Variants in KIF26A observed in about 807,000 individuals in gnomAD.
KIF26A encodes the protein kinesin-like protein KIF26A.
In KIF26A, 74 loss-of-function variants were observed where a neutral mutation model predicts 126.0. The observed-to-expected ratio is 0.59, with a 90% confidence interval of 0.49 to 0.71. The LOEUF is 0.71. KIF26A is among the 30% of genes least tolerant of loss of function. The pLI is 0.00. For missense variants in KIF26A, 2,984 were observed against 2,763.3 expected (o/e 1.08, Z -1.79); for synonymous variants, 1,445 against 1,232.7 (o/e 1.17, Z -3.61).
At chr14:104,172,262 C>T (rs374734257) in intron 6 of KIF26A, among the ~76,000 whole-genome samples, 1 of 152,236 alleles carries the variant, frequency 6.6e-6, no homozygotes, top group African/African-American at 2.4e-5. Context: ...CATGCTGAGC[C>T]GTGCACCGTG....
At chr14:104,143,211 C>T (rs2037652172) in intron 2 of KIF26A, among the ~76,000 whole-genome samples, 1 of 152,236 alleles carries the variant, frequency 6.6e-6, no homozygotes, top group Non-Finnish European at 1.5e-5. Flanking sequence ...TCCAGAACCA[C>T]TGTTGGTGCC....
At position 104,152,081 on chromosome 14, in the gene KIF26A, C is replaced by T. The variant is rs1008303788; in HGVS notation, c.355C>T (p.Pro119Ser). The T allele has an allele frequency of 5.6e-6, 9 of 1,612,514 alleles. No individual in the cohort carries two copies. The African/African-American group carries it at 1.1e-4, about 19-fold the overall frequency. ...ACCTGGGGCCCTGCCAGCCTGTCGC[C>T]CAGAGGCCGAGCGCCGCTGTGACGT... ...PAPGALPACR[P>S]EAERRCDVCA... The change falls in exon 3 of 15, where the codon CCA (proline) becomes TCA (serine). Residue 119 changes from proline (P) to serine (S), a missense_variant. Coordinates refer to ENST00000423312, the MANE Select transcript of KIF26A (RefSeq NM_015656.2). This position sits in a 1 kb window ranked among gnomAD's most constrained non-coding sequence, Gnocchi z 5.9.
intron 4 of KIF26A, among the ~76,000 whole-genome samples, chr14:104,166,462 T>C (rs1193453527): frequency 6.6e-6 from 1 of 152,128 alleles, no homozygotes; most frequent in Non-Finnish European, 1.5e-5. Flanking sequence ...CAGCTGTGCA[T>C]GGCTGCCCAC....
rs1330996978 is a variant in KIF26A at position 104,176,978 on chromosome 14, G to C, written c.4190G>C (p.Arg1397Pro). ...CGGGTCGGGGCTGCTGCTGTCCTTC[G>C]AGGGGAGGAGGAGCCCAGACCCAGC... ...PARVGAAAVL[R>P]GEEEPRPSSR... The change falls in exon 12 of 15, where the codon CGA becomes CCA. Residue 1397 changes from arginine (R) to proline (P), a missense_variant. Transcript: ENST00000423312. 3 of 1,538,020 alleles carry C rather than the reference G, an allele frequency of 2.0e-6. No individual in the cohort carries two copies. The highest frequency in any genetic ancestry group is 2.4e-5 in the East Asian group (1 of 41,102).
chr14:104,176,743 G>T lies in KIF26A; in HGVS notation c.3955G>T (p.Ala1319Ser). ...GATTLGVTTP[A>S]VSWGDAPTEV... Reference sequence around the variant, plus strand: ...CACCACGCTGGGTGTGACAACGCCAGCTGTGTCCTGGGGAGATGCTCCCAC... The same window carrying T: ...CACCACGCTGGGTGTGACAACGCCATCTGTGTCCTGGGGAGATGCTCCCAC... The change falls in exon 12 of 15, where the codon GCT becomes TCT. Residue 1319 changes from alanine to serine, a missense_variant. Ala to Ser is a moderately conservative substitution (Grantham distance 99). Transcript: ENST00000423312. The T allele has an allele frequency of 6.3e-7, 1 of 1,587,340 alleles. No homozygotes were observed. Among genetic ancestry groups the T allele is most frequent in the Non-Finnish European group, 8.6e-7 (1 of 1,168,274 alleles).
intron 2 of KIF26A, among the ~76,000 whole-genome samples, chr14:104,139,537 C>A (rs543662285): frequency 6.6e-6 from 1 of 152,218 alleles, no homozygotes; most frequent in Non-Finnish European, 1.5e-5. Context: ...GTTCCTCCCC[C>A]AGCCCAGATG....
rs369689010 is a variant in KIF26A at position 104,159,823 on chromosome 14, G to A, written c.923+1881G>A. On this transcript the variant is annotated intron_variant, in intron 4 of 14. Transcript: ENST00000423312. ...TGGATGCCTGACGTGGGCTGGGGTC[G>A]GTGGTGGGTGACCTCCTCTGTGGGG... Among the ~76,000 whole-genome samples the A allele has an allele frequency of 3.9e-5, 6 of 152,242 alleles. No individual in the cohort carries two copies. The East Asian group carries it at 7.7e-4, about 20-fold the overall frequency.
At chr14:104,149,208 A>G (rs771148821) in intron 2 of KIF26A, among the ~76,000 whole-genome samples, 4 of 152,104 alleles carry the variant, frequency 2.6e-5, no homozygotes, top group Non-Finnish European at 4.4e-5. Context: ...TGTGCCTTGA[A>G]TTCCTGGGGC....
rs1237976540 is a variant in KIF26A at position 104,172,575 on chromosome 14, G to A, written c.1327G>A (p.Ala443Thr). ...DAVFPQDSEQAEVCSGTVADV... is the reference protein window; with the variant it reads ...DAVFPQDSEQTEVCSGTVADV... ...CTGCCTGATTCTCTTGCCCCCCTAG[G>A]CCGAAGTCTGCTCGGGGACCGTGGC... is the stretch of plus-strand genomic sequence containing the variant. The change falls in exon 7 of 15, where the codon GCC (alanine) becomes ACC (threonine). Residue 443 changes from alanine (A) to threonine (T), a missense_variant and splice_region_variant. Transcript: ENST00000423312. 1 of 1,611,702 alleles carries A rather than the reference G, an allele frequency of 6.2e-7. No individual in the cohort carries two copies. The highest frequency in any genetic ancestry group is 1.3e-5 in the African/African-American group (1 of 74,914).
chr14:104,140,406 G>C (rs1023537389), intron 2 of KIF26A, among the ~76,000 whole-genome samples: 2 of 152,182 alleles, frequency 1.3e-5, no homozygotes, highest in South Asian at 4.1e-4. Flanking sequence ...AGTTTAAAAG[G>C]TAGCAGGAGA....
At chr14:104,172,169 G>A (rs2037965106) in intron 6 of KIF26A, among the ~76,000 whole-genome samples, 1 of 152,236 alleles carries the variant, frequency 6.6e-6, no homozygotes, top group South Asian at 2.1e-4. Context: ...GGAAAGGCCT[G>A]GTTTTCCGGA....
chr14:104,177,206 C>T lies in KIF26A; in HGVS notation c.4418C>T (p.Thr1473Ile). ...CTGGGTGTGCCACCCTCCAGCCCCA[C>T]ACACGGTCCAGCTCCCGCCTGTAGG... ...PKLGVPPSSP[T>I]HGPAPACRSG... The change falls in exon 12 of 15, where the codon ACA becomes ATA. Residue 1473 changes from threonine (T) to isoleucine (I), a missense_variant. Coordinates refer to ENST00000423312, the MANE Select transcript of KIF26A (RefSeq NM_015656.2). 6.3e-7 allele frequency: 1 copy of T among 1,595,208 alleles called. No homozygotes were observed. Among genetic ancestry groups the T allele is most frequent in the South Asian group, 1.1e-5 (1 of 90,320 alleles).
rs1390802218 is a variant in KIF26A at position 104,180,614 on chromosome 14, A to G, written c.*824A>G. On this transcript the variant is annotated 3_prime_UTR_variant, in exon 15 of 15. Coordinates refer to ENST00000423312, the MANE Select transcript of KIF26A (RefSeq NM_015656.2). ...TTGAAGACAAATGATCTATGTTTTT[A>G]TGGTTTTCTAGGGAAGGTGTTCTGG... The G allele has an allele frequency of 6.5e-6, 1 of 153,260 alleles. No individual in the cohort carries two copies. Among genetic ancestry groups the G allele is most frequent in the African/African-American group, 2.4e-5 (1 of 41,312 alleles). The allele number at this position is 153,260 out of a possible 1,614,324, so 9.5% of individuals were successfully genotyped here.
intron 3 of KIF26A, 32 bp from the exon 4 acceptor site, chr14:104,157,723 G>A (rs201595585): frequency 4.5e-4 from 721 of 1,597,326 alleles, no homozygotes; most frequent in East Asian, 1.4e-3. Flanking sequence ...CTGCCCTTGC[G>A]TTCCTTATAC....
At position 104,176,800 on chromosome 14, in the gene KIF26A, G is replaced by C. The variant is rs762710403; in HGVS notation, c.4012G>C (p.Ala1338Pro). ...GGTGGCCTGCTCGGGGAGCCTGAAG[G>C]CCTCCCCCACCAGCAAGAAGGGTCT... ...EVVACSGSLK[A>P]SPTSKKGLAP... The change falls in exon 12 of 15, where the codon GCC becomes CCC. Residue 1338 changes from alanine to proline, a missense_variant. By Grantham distance (27) the Ala-to-Pro change is conservative (BLOSUM62 -1). Transcript: ENST00000423312. The C allele has an allele frequency of 5.1e-6, 8 of 1,566,524 alleles. No individual in the cohort carries two copies. In the Admixed American group the frequency reaches 1.5e-4, roughly 29 times the overall value.
chr14:104,152,210 G>A lies in KIF26A; in HGVS notation c.484G>A (p.Ala162Thr), dbSNP rs754908945. The A allele has an allele frequency of 2.4e-5, 38 of 1,600,374 alleles. No homozygotes were observed. The highest frequency in any genetic ancestry group is 2.1e-4 in the South Asian group (19 of 89,370). ...LDAPHGGPSL[A>T]PPSTTTSSRD... The stretch of plus-strand genomic sequence containing the variant: ...CGCCCCCCATGGAGGCCCCAGCCTC[G>A]CACCCCCCAGCACCACGACCAGCTC... The change falls in exon 3 of 15, where the codon GCA becomes ACA. Residue 162 changes from alanine to threonine, a missense_variant. By Grantham distance (58) the Ala-to-Thr change is moderately conservative (BLOSUM62 0). Transcript: ENST00000423312. The surrounding 1 kb of genome is among the most constrained non-coding windows in gnomAD (Gnocchi z 5.9).
Position 104,179,314 on chromosome 14 carries a change from A to G in KIF26A, c.5395A>G (p.Lys1799Glu). Residue 1799 changes from lysine (K) to glutamate (E), a missense_variant, in exon 14 of 15, where the codon AAG becomes GAG. By Grantham distance (56) the Lys-to-Glu change is moderately conservative (BLOSUM62 1). Transcript: ENST00000423312. ...GCTGCGGGAGGTGCAGGCCAAGCACAAGCACCTGTGTGAGGAGCTGGCCGA... is the reference window on the plus strand; with the variant it reads ...GCTGCGGGAGGTGCAGGCCAAGCACGAGCACCTGTGTGAGGAGCTGGCCGA... ...QRLREVQAKHKHLCEELAETQ... is the reference protein window; with the variant it reads ...QRLREVQAKHEHLCEELAETQ... 1 of 1,539,690 alleles carries G rather than the reference A, an allele frequency of 6.5e-7. No individual in the cohort carries two copies. The highest frequency in any genetic ancestry group is 8.7e-7 in the Non-Finnish European group (1 of 1,146,024).
chr14:104,170,660 C>T (rs559068204), intron 5 of KIF26A, among the ~76,000 whole-genome samples: 4 of 152,242 alleles, frequency 2.6e-5, no homozygotes, highest in African/African-American at 9.6e-5. Flanking sequence ...GCGTTGGAGC[C>T]CTGGTTCAGG....
At chr14:104,167,244 C>T (rs1047038466) in intron 5 of KIF26A, among the ~76,000 whole-genome samples, 196 bp downstream of exon 5, 11 of 151,996 alleles carry the variant, frequency 7.2e-5, no homozygotes, top group Admixed American at 3.3e-4. Context: ...CTGGGACTGC[C>T]GGGATGGGAG....
Sources: allele counts gnomAD v4.1 joint callset (sites outside exome capture counted in the v4.1 genomes callset), GRCh38; gene constraint gnomAD v4.1.1; non-coding constraint Gnocchi (gnomAD v3.1); transcripts MANE v1.5; gene names NCBI Gene and HGNC (gene_info 2026-07-23, HGNC 2026-07-21).